The following NIPSNAP3B variants were observed in gnomAD, a reference collection of about 807,000 sequenced individuals.
The protein encoded by NIPSNAP3B is protein NipSnap homolog 3B.
Under a neutral mutation model 31.5 loss-of-function variants are expected in NIPSNAP3B, and 30 were observed. The observed-to-expected ratio is 0.95, with a 90% CI of 0.71 to 1.29. The LOEUF (loss-of-function observed/expected upper bound fraction) is 1.29. Ranked by LOEUF, NIPSNAP3B falls within the 50% of genes most tolerant of loss-of-function variation. The pLI, the probability that NIPSNAP3B is intolerant of heterozygous loss-of-function variation, is 0.00. For synonymous variants in NIPSNAP3B, 106 were observed against 107.9 expected (o/e 0.98, Z 0.11); for missense variants, 269 against 300.7 (o/e 0.89, Z 0.78).
chr9:104,777,404 A>G lies in NIPSNAP3B; in HGVS notation c.*4331A>G, dbSNP rs915090683. ...ATAACTGCTGTCACCTAGAATGTCT[A>G]TTCTCTAAGCACCTTCTTGAAAGAA... On this transcript the variant is annotated 3_prime_UTR_variant, in exon 6 of 6. Transcript: ENST00000374762. 6.6e-6 allele frequency: 1 copy of G among 152,244 alleles called. No individual in the cohort carries two copies. The highest frequency in any genetic ancestry group is 2.1e-4 in the South Asian group (1 of 4,834). The allele number at this position is 152,244 out of a possible 1,614,324, so 9.4% of individuals were successfully genotyped here.
chr9:104,768,759 G>T lies in NIPSNAP3B; in HGVS notation c.272-104G>T, dbSNP rs535439962. 131 of 878,648 alleles carry T rather than the reference G, an allele frequency of 1.5e-4. No homozygotes were observed. The African/African-American group carries it at 2.2e-3, about 15-fold the overall frequency. 54.4% of individuals were successfully genotyped at this position (878,648 alleles called of 1,614,324 possible). A position where few individuals can be genotyped will look rare whatever the true frequency, so the allele number is the denominator to read the frequency against. ...ATCTCCAGCGACATAATAACATGGG[G>T]TTCCCATATGGCCTTGCACGTTTGC... On this transcript the variant is annotated intron_variant, in intron 2 of 5. Coordinates refer to ENST00000374762, the MANE Select transcript of NIPSNAP3B (RefSeq NM_018376.4).
the NIPSNAP3B span, chr9:104,787,125 C>G: frequency 1.6e-6 from 1 of 641,990 alleles, no homozygotes; most frequent in Non-Finnish European, 2.6e-6. Flanking sequence ...ATTAGAGTAA[C>G]TTTCAAATTC....
intron 2 of NIPSNAP3B, among the ~76,000 whole-genome samples, chr9:104,768,142 G>A (rs1828128165): frequency 6.6e-6 from 1 of 152,136 alleles, no homozygotes; most frequent in Non-Finnish European, 1.5e-5. Context: ...CACAGATGCA[G>A]AACCTGTGGA....
rs117183798 is a variant in NIPSNAP3B at position 104,771,049 on chromosome 9, C to T, written c.580+51C>T. ...AGTTGCCATGTGTATTAGATCAGTT[C>T]GTCTCTCTTTTTCATTTTGGTACCT... On this transcript the variant is annotated intron_variant, in intron 4 of 5. Transcript: ENST00000374762. 8.5e-3 allele frequency: 12,659 copies of T among 1,490,594 alleles called. 66 individuals carry two copies. The highest frequency in any genetic ancestry group is 0.01 in the Non-Finnish European group (11,074 of 1,096,724). The allele number at this position is 1,490,594 out of a possible 1,614,324, so 92.3% of individuals were successfully genotyped here.
intron 1 of NIPSNAP3B, among the ~76,000 whole-genome samples, chr9:104,764,956 A>G (rs1223066287): frequency 6.6e-6 from 1 of 152,202 alleles, no homozygotes; most frequent in Non-Finnish European, 1.5e-5. Context: ...CCGAAAATCA[A>G]CTTTAAAAGC....
Position 104,771,002 on chromosome 9 carries a change from C to T in NIPSNAP3B, c.580+4C>T, listed in dbSNP as rs1401198920. The T allele has an allele frequency of 1.2e-6, 2 of 1,613,140 alleles. No individual in the cohort carries two copies. The highest frequency in any genetic ancestry group is 3.3e-5 in the Admixed American group (2 of 60,012). ...GAATATGGAGAACTCAACAGAGGTA[C>T]AGTTGTCCATTTGTTCTATGAAGTT... is the stretch of plus-strand genomic sequence containing the variant. On this transcript the variant is annotated splice_donor_region_variant and intron_variant, in intron 4 of 5. Transcript: ENST00000374762.
In NIPSNAP3B at chr9:104,770,936, T is replaced by C. The variant is rs772667585; in HGVS notation, c.518T>C (p.Val173Ala). 2.4e-5 allele frequency: 38 copies of C among 1,613,874 alleles called. No homozygotes were observed. The highest frequency in any genetic ancestry group is 3.1e-5 in the Non-Finnish European group (36 of 1,179,878). ...TTTGAAAGAGCAATTAATGCCCATG[T>C]CAATTTAGGCTACACAAAAGTAGTT... ...DAFERAINAH[V>A]NLGYTKVVGV... Residue 173 changes from valine to alanine, a missense_variant, in exon 4 of 6, where the codon GTC becomes GCC. By Grantham distance (64) the Val-to-Ala change is moderately conservative. Coordinates refer to ENST00000374762, the MANE Select transcript of NIPSNAP3B (RefSeq NM_018376.4).
rs1260958025 is a variant in NIPSNAP3B at position 104,776,461 on chromosome 9, T to C, written c.*3388T>C. Among the ~76,000 whole-genome samples the C allele has an allele frequency of 1.3e-5, 2 of 152,238 alleles. No individual in the cohort carries two copies. The highest frequency in any genetic ancestry group is 2.1e-4 in the South Asian group (1 of 4,824). Reference sequence around the variant, plus strand: ...AGGAGGTTTGGCCTTTGTGAGTTAGTTTTAGATGAGGTCATGTGGGTAATA... The same window carrying C: ...AGGAGGTTTGGCCTTTGTGAGTTAGCTTTAGATGAGGTCATGTGGGTAATA... On this transcript the variant is annotated 3_prime_UTR_variant, in exon 6 of 6. Transcript: ENST00000374762.
At chr9:104,788,851 T>C in the NIPSNAP3B span, among the ~76,000 whole-genome samples, 1 of 152,194 alleles carries the variant, frequency 6.6e-6, no homozygotes, top group African/African-American at 2.4e-5. Flanking sequence ...TGCCAACCAC[T>C]GCACATTCTT....
At chr9:104,781,012 C>G (rs912997365), downstream of NIPSNAP3B, 15 of 152,572 alleles carry the variant, frequency 9.8e-5, no homozygotes, top group African/African-American at 2.9e-4. Context: ...TTTCTGTAGA[C>G]CAACAGAACT....
chr9:104,771,062 C>T (rs1828206419), intron 4 of NIPSNAP3B, 64 bp downstream of exon 4: 6 of 1,416,264 alleles, frequency 4.2e-6, no homozygotes, highest in African/African-American at 2.8e-5. Flanking sequence ...CTCTCTTTTT[C>T]ATTTTGGTAC....
chr9:104,784,232 T>C, the NIPSNAP3B span: 1 of 1,572,018 alleles, frequency 6.4e-7, no homozygotes, highest in South Asian at 1.1e-5. Context: ...AACTTCTGGC[T>C]CTTTTCTCCA....
the NIPSNAP3B span, chr9:104,786,961 C>T: frequency 6.2e-7 from 1 of 1,613,850 alleles, no homozygotes; most frequent in Admixed American, 1.7e-5. Flanking sequence ...GGATCCATGC[C>T]TGTGGTGGGT....
chr9:104,779,894 G>A (rs1039120076), downstream of NIPSNAP3B, among the ~76,000 whole-genome samples: 1 of 152,116 alleles, frequency 6.6e-6, no homozygotes, highest in Admixed American at 6.5e-5. Context: ...AGCTGGTTGT[G>A]GTGGCGCATG....
In NIPSNAP3B at chr9:104,775,517, A is replaced by G. The variant is rs1409319348; in HGVS notation, c.*2444A>G. Among the ~76,000 whole-genome samples, 3 of 152,000 alleles carry G rather than the reference A, an allele frequency of 2.0e-5. No individual in the cohort carries two copies. Among genetic ancestry groups the G allele is most frequent in the Non-Finnish European group, 4.4e-5 (3 of 67,984 alleles). On this transcript the variant is annotated 3_prime_UTR_variant, in exon 6 of 6. Transcript: ENST00000374762. ...AGTCCTTGGACCACTTCTCTTTTCT[A>G]TTTATACTTACTCCCTGCGTCATCA...
downstream of NIPSNAP3B, chr9:104,781,561 A>C (rs1828546688): frequency 1.3e-5 from 2 of 152,652 alleles, no homozygotes; most frequent in African/African-American, 4.8e-5. Context: ...CTATACAGTG[A>C]ATGAATGATG....
At chr9:104,784,447 C>G in the NIPSNAP3B span, 8 of 1,613,912 alleles carry the variant, frequency 5.0e-6, no homozygotes, top group African/African-American at 1.1e-4. Context: ...TGGCAAAGTT[C>G]ACAAATACCT....
chr9:104,772,827 G>C lies in NIPSNAP3B; in HGVS notation c.586G>C (p.Val196Leu). The C allele has an allele frequency of 6.2e-7, 1 of 1,612,444 alleles. No homozygotes were observed. Among genetic ancestry groups the C allele is most frequent in the Non-Finnish European group, 8.5e-7 (1 of 1,179,210 alleles). ...TEYGELNRVH[V>L]LWWNESADSR... The stretch of plus-strand genomic sequence containing the variant: ...CTTGTGGTTTATTTCTGCAGTTCAT[G>C]TTCTTTGGTGGAATGAGAGTGCAGA... Residue 196 changes from valine (V) to leucine (L), a missense_variant, in exon 5 of 6, where the codon GTT (valine) becomes CTT (leucine). By Grantham distance (32) the Val-to-Leu change is conservative. Coordinates refer to ENST00000374762, the MANE Select transcript of NIPSNAP3B (RefSeq NM_018376.4).
At chr9:104,780,491 C>T (rs1444430948), downstream of NIPSNAP3B, among the ~76,000 whole-genome samples, 1 of 152,192 alleles carries the variant, frequency 6.6e-6, no homozygotes, top group Non-Finnish European at 1.5e-5. Flanking sequence ...GTTGTCTGCA[C>T]AGCACTTATT....
Sources: gnomAD v4.1 joint callset for allele counts (sites outside exome capture counted in the v4.1 genomes callset) on GRCh38, gnomAD v4.1.1 for gene constraint, MANE v1.5 for transcripts, NCBI Gene and HGNC (gene_info 2026-07-23, HGNC 2026-07-21) for gene names.